RPA1: variants seen among roughly 807,000 people sequenced by gnomAD.
RPA1 encodes the protein replication protein A1.
A neutral mutation model predicts 83.0 loss-of-function variants in RPA1; 49 were observed. The observed-to-expected ratio is 0.59, with a 90% CI of 0.47 to 0.75. The LOEUF (loss-of-function observed/expected upper bound fraction) is 0.75. Ranked by LOEUF, RPA1 falls within the 30% of genes least tolerant of loss-of-function variation. The pLI, the probability that RPA1 is intolerant of heterozygous loss-of-function variation, is 0.00. For missense variants in RPA1, 693 were observed against 776.1 expected (o/e 0.89, Z 1.27); for synonymous variants, 279 against 281.8 (o/e 0.99, Z 0.10).
At position 1,879,562 on chromosome 17, in the gene RPA1, A is replaced by G; in HGVS notation, c.955A>G (p.Ile319Val). The G allele has an allele frequency of 6.2e-7, 1 of 1,614,204 alleles. No homozygotes were observed. Among genetic ancestry groups the G allele is most frequent in the Non-Finnish European group, 8.5e-7 (1 of 1,180,038 alleles). ...GCTAACACGTGCATGTGTTTTAGAC[A>G]TCATCGGGATCTGCAAGAGCTATGA... The part of the protein sequence containing the change: ...ENKSKDSLVD[I>V]IGICKSYEDA... Residue 319 changes from isoleucine to valine, a missense_variant and splice_region_variant, in exon 11 of 17, where the codon ATC (isoleucine) becomes GTC (valine). Coordinates refer to ENST00000254719, the MANE Select transcript of RPA1 (RefSeq NM_002945.5).
In RPA1 at chr17:1,888,704, G is replaced by A. The variant is rs1413138638; in HGVS notation, c.1404G>A (p.Val468=). 6.2e-7 allele frequency: 1 copy of A among 1,613,968 alleles called. No homozygotes were observed. Among genetic ancestry groups the A allele is most frequent in the East Asian group, 2.2e-5 (1 of 44,894 alleles). ...KPDYFSSVAT[V]VYLRKENCMY... ...ACTACTTTAGTTCTGTGGCCACAGT[G>A]GTGTATCTTCGCAAAGAGAACTGCA... is the stretch of plus-strand genomic sequence containing the variant. The change falls in exon 14 of 17, where the codon GTG becomes GTA. Residue 468 remains valine (V), a synonymous_variant. Coordinates refer to ENST00000254719, the MANE Select transcript of RPA1 (RefSeq NM_002945.5).
intron 4 of RPA1, among the ~76,000 whole-genome samples, chr17:1,849,289 C>CTTTTTTTTTTT (rs61062085): frequency 3.4e-5 from 4 of 116,320 alleles, no homozygotes; most frequent in East Asian, 2.3e-4. Context: ...GTTGGCTGTT[C>CTTTTTTTTTTT]TTTTTTTTTT....
chr17:1,873,646 G>T (rs1913460479), intron 6 of RPA1, among the ~76,000 whole-genome samples: 2 of 151,940 alleles, frequency 1.3e-5, no homozygotes, highest in Non-Finnish European at 2.9e-5. Context: ...TCTCTCTCTT[G>T]CTCTGTCTCT....
At position 1,878,999 on chromosome 17, in the gene RPA1, A is replaced by G. The variant is rs1913667923; in HGVS notation, c.697A>G (p.Ile233Val). The change falls in exon 9 of 17, where the codon ATC becomes GTC. Residue 233 changes from isoleucine (I) to valine (V), a missense_variant. Coordinates refer to ENST00000254719, the MANE Select transcript of RPA1 (RefSeq NM_002945.5). ...SLELVDESGE[I>V]RATAFNEQVD... Reference sequence around the variant, plus strand: ...TGCCCACGTGCTTCTGCAGGGTGAAATCCGAGCTACAGCTTTCAATGAGCA... The same window carrying G: ...TGCCCACGTGCTTCTGCAGGGTGAAGTCCGAGCTACAGCTTTCAATGAGCA... 1 of 1,614,022 alleles carries G rather than the reference A, an allele frequency of 6.2e-7. No individual in the cohort carries two copies. Among genetic ancestry groups the G allele is most frequent in the African/African-American group, 1.3e-5 (1 of 74,898 alleles).
At chr17:1,887,872 G>A (rs1181315760) in intron 13 of RPA1, among the ~76,000 whole-genome samples, 5 of 152,136 alleles carry the variant, frequency 3.3e-5, no homozygotes, top group Non-Finnish European at 5.9e-5. Flanking sequence ...CAGCCTGGGC[G>A]ACAGAGCGAG....
intron 1 of RPA1, among the ~76,000 whole-genome samples, chr17:1,836,011 C>T (rs1597415110): frequency 6.6e-6 from 1 of 152,226 alleles, no homozygotes; most frequent in Non-Finnish European, 1.5e-5. Flanking sequence ...AATTACTGAC[C>T]TCCTGCCTTA....
chr17:1,831,859 A>G (rs1490394058), intron 1 of RPA1, among the ~76,000 whole-genome samples: 2 of 147,694 alleles, frequency 1.4e-5, no homozygotes, highest in African/African-American at 5.0e-5. Flanking sequence ...TCGGCCTCCC[A>G]AAGTGTTGGG....
chr17:1,868,501 T>C (rs1003111944), intron 5 of RPA1, among the ~76,000 whole-genome samples: 1 of 152,188 alleles, frequency 6.6e-6, no homozygotes, highest in Non-Finnish European at 1.5e-5. Context: ...CGGGGCACGG[T>C]GGCTCACTCC....
At chr17:1,859,253 T>A (rs1449798377) in intron 5 of RPA1, among the ~76,000 whole-genome samples, 1 of 152,180 alleles carries the variant, frequency 6.6e-6, no homozygotes, top group African/African-American at 2.4e-5. Context: ...AAATTCTGTG[T>A]GTACTTGAAA....
chr17:1,855,562 GTTGGATTTGAT>G (rs927791743), intron 5 of RPA1, among the ~76,000 whole-genome samples: 2 of 152,184 alleles, frequency 1.3e-5, no homozygotes, highest in African/African-American at 4.8e-5. Flanking sequence ...TTTACATATT[GTTGGATTTGAT>G]TTGCTATATC....
chr17:1,844,454 C>G (rs1267013560), intron 3 of RPA1, 124 bp from the exon 4 acceptor site: 2 of 655,214 alleles, frequency 3.1e-6, no homozygotes, highest in Middle Eastern at 2.5e-4. Context: ...TCTGCAGAGT[C>G]TGACTAGTTT....
intron 5 of RPA1, among the ~76,000 whole-genome samples, chr17:1,866,016 A>G (rs1205778343): frequency 6.6e-6 from 1 of 152,068 alleles, no homozygotes; most frequent in African/African-American, 2.4e-5. Flanking sequence ...CAAGCTTGGC[A>G]GATCGCTTGA....
At chr17:1,837,702 T>G (rs909869960) in intron 1 of RPA1, among the ~76,000 whole-genome samples, 1 of 152,238 alleles carries the variant, frequency 6.6e-6, no homozygotes, top group African/African-American at 2.4e-5. Flanking sequence ...TTCGTGGGCT[T>G]ACTGGCCATT....
chr17:1,876,023 C>T (rs1469240765), intron 7 of RPA1, among the ~76,000 whole-genome samples: 5 of 151,718 alleles, frequency 3.3e-5, no homozygotes, highest in Admixed American at 3.3e-4. Flanking sequence ...CTGCCATAGC[C>T]TGTGGGGTTT....
chr17:1,895,348 A>T (rs79620147), intron 16 of RPA1, among the ~76,000 whole-genome samples: 326 of 148,996 alleles, frequency 2.2e-3, no homozygotes, highest in African/African-American at 6.8e-3. Context: ...TATTTTTTTT[A>T]TTTTTATTTT....
chr17:1,894,596 G>A (rs7503021), intron 15 of RPA1, among the ~76,000 whole-genome samples: 5,655 of 152,244 alleles, frequency 0.037, 162 homozygotes, highest in Non-Finnish European at 0.059. Flanking sequence ...TCACATTACT[G>A]TGCCCCTGTC....
At chr17:1,834,002 G>A (rs1269680464) in intron 1 of RPA1, among the ~76,000 whole-genome samples, 1 of 152,098 alleles carries the variant, frequency 6.6e-6, no homozygotes, top group Non-Finnish European at 1.5e-5. Context: ...GCCAACATGG[G>A]GAAACCCTGG....
Position 1,897,163 on chromosome 17 carries a change from T to G in RPA1, c.1839T>G (p.Ser613Arg). The stretch of plus-strand genomic sequence containing the variant: ...GGCTGGTCATGAGCATCAGGAGAAG[T>G]GCATTGATGTGAGAGGAGCAGTGCC... ...GRRLVMSIRR[S>R]ALM Residue 613 changes from serine (S) to arginine (R), a missense_variant, in exon 17 of 17, where the codon AGT becomes AGG. Transcript: ENST00000254719. 6.4e-7 allele frequency: 1 copy of G among 1,555,776 alleles called. No homozygotes were observed. Among genetic ancestry groups the G allele is most frequent in the Non-Finnish European group, 8.7e-7 (1 of 1,149,414 alleles).
rs71150832 is a variant in RPA1, at chr17:1,873,992, C to CAAA, written c.454+1485_454+1487dup. The stretch of plus-strand genomic sequence containing the variant: ...TGGACAACAAAGTGAGACTCTGTCT[C>CAAA]AAAAAAAAAAAAAAAAAAAAATATA... On this transcript the variant is annotated intron_variant, in intron 6 of 16. Transcript: ENST00000254719. Among the ~76,000 whole-genome samples, 215 of 45,366 alleles carry CAAA rather than the reference C, an allele frequency of 4.7e-3. 3 individuals carry two copies. The highest frequency in any genetic ancestry group is 0.02 in the African/African-American group (123 of 6,276). 29.8% of individuals were successfully genotyped at this position (45,366 alleles called of 152,430 possible). A position where few individuals can be genotyped will look rare whatever the true frequency, so the allele number is the denominator to read the frequency against.
Sources: gnomAD v4.1 joint callset for allele counts (sites outside exome capture counted in the v4.1 genomes callset) on GRCh38, gnomAD v4.1.1 for gene constraint, MANE v1.5 for transcripts, NCBI Gene and HGNC (gene_info 2026-07-23, HGNC 2026-07-21) for gene names.